Variants in DAB1 observed in about 807,000 individuals in gnomAD.
The protein encoded by DAB1 is disabled homolog 1.
Under a neutral mutation model 64.6 loss-of-function variants are expected in DAB1, and 15 were observed. The ratio of observed to expected loss-of-function variants is 0.23; its 90% confidence interval spans 0.16 to 0.36. The LOEUF is 0.36. DAB1 is among the 10% of genes least tolerant of loss of function. The pLI is 1.00. For synonymous variants in DAB1, 235 were observed against 251.9 expected (o/e 0.93, Z 0.64); for missense variants, 596 against 706.7 (o/e 0.84, Z 1.78).
intron 4 of DAB1, among the ~76,000 whole-genome samples, chr1:57,107,706 T>C (rs1290776150): frequency 1.3e-5 from 2 of 152,194 alleles, no homozygotes; most frequent in East Asian, 3.9e-4. Flanking sequence ...GGATTCTTTC[T>C]GTGCTGGCTC....
At chr1:57,142,924 G>A (rs1198008557) in intron 3 of DAB1, among the ~76,000 whole-genome samples, 1 of 152,120 alleles carries the variant, frequency 6.6e-6, no homozygotes, top group Non-Finnish European at 1.5e-5. Flanking sequence ...ATTTGTTAGA[G>A]CAAATCTCCA....
At chr1:57,395,019 T>C (rs1682688501) in intron 1 of DAB1, among the ~76,000 whole-genome samples, 2 of 152,134 alleles carry the variant, frequency 1.3e-5, no homozygotes, top group African/African-American at 4.8e-5. Flanking sequence ...ATTACTAATA[T>C]ATATGTTTTT....
chr1:57,821,442 C>G (rs1424111475), downstream of DAB1, among the ~76,000 whole-genome samples: 3 of 152,200 alleles, frequency 2.0e-5, no homozygotes, highest in African/African-American at 7.2e-5. Flanking sequence ...TGTCAGTTGT[C>G]CATTTGTCAC....
At position 57,439,431 on chromosome 1, in the gene DAB1, T is replaced by TC. The variant is rs780656882; in HGVS notation, n.626-148266_626-148265insG. Reference sequence around the variant, plus strand: ...CTTGGTGATGAGGTTTTTTCTTTTTTTTTTTTTTTTTTTTTTGAGACGGAG... The same window carrying TC: ...CTTGGTGATGAGGTTTTTTCTTTTTTCTTTTTTTTTTTTTTTTGAGACGGAG... On this transcript the variant is annotated intron_variant and non_coding_transcript_variant, in intron 7 of 20. Coordinates refer to the DAB1 transcript ENST00000485760. 5.9e-4 allele frequency among the ~76,000 whole-genome samples: 74 copies of TC among 125,208 alleles called. 2 individuals carry two copies. Among genetic ancestry groups the TC allele is most frequent in the Middle Eastern group, 3.7e-3 (1 of 268 alleles). The allele number at this position is 125,208 out of a possible 152,430, so 82.1% of individuals were successfully genotyped here.
At chr1:58,033,982 C>T (rs1048793712) in intron 5 of DAB1, among the ~76,000 whole-genome samples, 4 of 152,134 alleles carry the variant, frequency 2.6e-5, no homozygotes, top group African/African-American at 9.7e-5. Context: ...TCTAGAACGG[C>T]CACCAGTGAT....
At chr1:57,957,101 G>A (rs1448752101) in intron 5 of DAB1, among the ~76,000 whole-genome samples, 3 of 152,234 alleles carry the variant, frequency 2.0e-5, no homozygotes, top group Non-Finnish European at 4.4e-5. Context: ...AGGAGCATGT[G>A]ATTTGACTTA....
intron 4 of DAB1, among the ~76,000 whole-genome samples, chr1:58,240,333 C>T (rs1397932025): frequency 1.3e-5 from 2 of 152,184 alleles, no homozygotes; most frequent in African/African-American, 4.8e-5. Flanking sequence ...AGGCCTTCTC[C>T]TGACTTCTTT....
At chr1:57,147,355 G>C (rs960226445) in intron 2 of DAB1, among the ~76,000 whole-genome samples, 26 of 151,862 alleles carry the variant, frequency 1.7e-4, no homozygotes, top group Middle Eastern at 6.8e-3. Context: ...CACAATCCTG[G>C]GAGGGTGGGA....
intron 6 of DAB1, among the ~76,000 whole-genome samples, chr1:57,732,848 C>A (rs1338565717): frequency 6.6e-6 from 1 of 152,168 alleles, no homozygotes; most frequent in Non-Finnish European, 1.5e-5. Context: ...CCACAGCCAG[C>A]CACTTCATGT....
rs752956651 is a variant in DAB1, at chr1:58,168,022, G to A, written n.310-17434C>T. 5.1e-4 allele frequency among the ~76,000 whole-genome samples: 78 copies of A among 152,300 alleles called. 1 individual carries two copies. Among genetic ancestry groups the A allele is most frequent in the Non-Finnish European group, 8.8e-4 (60 of 68,016 alleles). The stretch of plus-strand genomic sequence containing the variant: ...TTTTGGCAACCCAGATGGGACTATC[G>A]ACTATCGCCAAGTGGTGAGAACCAC... On this transcript the variant is annotated intron_variant and non_coding_transcript_variant, in intron 4 of 20. Transcript: ENST00000485760.
At chr1:57,595,208 GAATA>G (rs1253940573) in intron 7 of DAB1, among the ~76,000 whole-genome samples, 2 of 149,180 alleles carry the variant, frequency 1.3e-5, no homozygotes, top group Non-Finnish European at 2.9e-5. Context: ...GAATTATTTA[GAATA>G]ATTATTTAGA....
rs376000260 is a variant in DAB1 at position 58,396,852 on chromosome 1, A to G, written n.258-53449T>C. Among the ~76,000 whole-genome samples the G allele has an allele frequency of 1.1e-4, 17 of 152,124 alleles. No individual in the cohort carries two copies. In the South Asian group the frequency reaches 1.7e-3, roughly 15 times the overall value. On this transcript the variant is annotated intron_variant and non_coding_transcript_variant, in intron 3 of 20. Coordinates refer to the DAB1 transcript ENST00000485760. ...CCAAGGCGGGCGGATCATGAGGTCA[A>G]GAGATCAAGACCATCCTGGCTAACA...
chr1:57,859,956 C>A (rs1412568765), intron 1 of DAB1, among the ~76,000 whole-genome samples: 3 of 152,182 alleles, frequency 2.0e-5, no homozygotes, highest in African/African-American at 7.2e-5. Flanking sequence ...TAGGTCACTT[C>A]TTGCATTTGT....
chr1:57,426,138 A>G (rs1685276363), upstream of DAB1, among the ~76,000 whole-genome samples: 1 of 152,212 alleles, frequency 6.6e-6, no homozygotes, highest in African/African-American at 2.4e-5. Context: ...ATCTACATGC[A>G]TCTTAAGGCC....
chr1:58,119,382 C>T (rs1652599318), intron 5 of DAB1, among the ~76,000 whole-genome samples: 1 of 151,984 alleles, frequency 6.6e-6, no homozygotes, highest in Non-Finnish European at 1.5e-5. Context: ...ATATGTTTTA[C>T]AGCAGAAATA....
At chr1:58,040,305 T>C (rs1359586866) in intron 5 of DAB1, among the ~76,000 whole-genome samples, 1 of 152,198 alleles carries the variant, frequency 6.6e-6, no homozygotes, top group Non-Finnish European at 1.5e-5. Context: ...CATGATTAAA[T>C]CTTAATAAGA....
At chr1:57,289,484 T>C (rs557662895) in intron 2 of DAB1, among the ~76,000 whole-genome samples, 2 of 152,276 alleles carry the variant, frequency 1.3e-5, no homozygotes, top group South Asian at 2.1e-4. Flanking sequence ...CCATGATGCA[T>C]AGAAAACAAG....
intron 6 of DAB1, among the ~76,000 whole-genome samples, chr1:57,704,359 A>G (rs1419891655): frequency 6.6e-6 from 1 of 152,112 alleles, no homozygotes; most frequent in Non-Finnish European, 1.5e-5. Context: ...TATTACTCCC[A>G]TCTGATGTAA....
At chr1:58,444,807 C>T (rs2100276594) in intron 3 of DAB1, among the ~76,000 whole-genome samples, 1 of 152,174 alleles carries the variant, frequency 6.6e-6, no homozygotes, top group South Asian at 2.1e-4. Context: ...TCTTAGAAGG[C>T]TAGAAGCCCT....
Sources: allele counts gnomAD v4.1 joint callset (sites outside exome capture counted in the v4.1 genomes callset), GRCh38; gene constraint gnomAD v4.1.1; transcripts MANE v1.5; gene names NCBI Gene and HGNC (gene_info 2026-07-23, HGNC 2026-07-21).